Variants in RASSF3 observed in about 807,000 individuals in gnomAD.
RASSF3 encodes Ras association domain family member 3, also known as ras association domain-containing protein 3.
Under a neutral mutation model 19.9 loss-of-function variants are expected in RASSF3, and 19 were observed. The ratio of observed to expected loss-of-function variants is 0.96; its 90% CI spans 0.67 to 1.40. The LOEUF (loss-of-function observed/expected upper bound fraction) is 1.40, where lower values mean the gene tolerates loss of function less well. Ranked by LOEUF, RASSF3 falls within the 40% of genes most tolerant of loss-of-function variation. The probability of loss-of-function intolerance (pLI) is 0.00; values close to 1 mark genes in which losing one functional copy is unlikely to be tolerated. For missense variants in RASSF3, 306 were observed against 289.8 expected (o/e 1.06, Z -0.41); for synonymous variants, 110 against 104.2 (o/e 1.06, Z -0.34).
chr12:64,607,609 A>C (rs1405549521), upstream of RASSF3, among the ~76,000 whole-genome samples: 2 of 152,130 alleles, frequency 1.3e-5, no homozygotes, highest in African/African-American at 4.8e-5. Context: ...TCCTGACCTC[A>C]AGTGATCTGC....
intron 1 of RASSF3, among the ~76,000 whole-genome samples, chr12:64,630,424 G>A (rs1008288412): frequency 6.6e-6 from 1 of 152,154 alleles, no homozygotes; most frequent in African/African-American, 2.4e-5. Flanking sequence ...TATTTGGGAG[G>A]CTGAGGCAAG....
At chr12:64,680,119 C>T (rs1339325803) in intron 1 of RASSF3, among the ~76,000 whole-genome samples, 12 of 152,074 alleles carry the variant, frequency 7.9e-5, no homozygotes, top group African/African-American at 2.7e-4. Flanking sequence ...CATACAGCTG[C>T]GTTCCTAGAA....
At chr12:64,519,279 G>T (rs1318390144) in intron 1 of RASSF3, among the ~76,000 whole-genome samples, 2 of 152,062 alleles carry the variant, frequency 1.3e-5, no homozygotes, top group Non-Finnish European at 2.9e-5. Flanking sequence ...GCACACCTGT[G>T]GTCCCAGCTA....
At chr12:64,601,880 G>C (rs1470085310) in intron 2 of RASSF3, among the ~76,000 whole-genome samples, 1 of 152,054 alleles carries the variant, frequency 6.6e-6, no homozygotes, top group African/African-American at 2.4e-5. Flanking sequence ...CACTTTGGGA[G>C]GCCGAGGCGG....
chr12:64,573,429 A>G (rs1457785822), intron 2 of RASSF3, among the ~76,000 whole-genome samples: 1 of 152,262 alleles, frequency 6.6e-6, no homozygotes, highest in African/African-American at 2.4e-5. Context: ...GTTTACAACA[A>G]TCCAATGGAA....
chr12:64,578,996 G>A (rs933994941), intron 2 of RASSF3, among the ~76,000 whole-genome samples: 7 of 151,980 alleles, frequency 4.6e-5, no homozygotes, highest in African/African-American at 7.2e-5. Context: ...GTGTGGTGGC[G>A]CATGCCTGTA....
At chr12:64,511,952 T>A (rs1163130221) in intron 1 of RASSF3, among the ~76,000 whole-genome samples, 1 of 152,118 alleles carries the variant, frequency 6.6e-6, no homozygotes. Context: ...TGAGATCTGA[T>A]GACTGAATGA....
intron 2 of RASSF3, among the ~76,000 whole-genome samples, chr12:64,552,565 C>G (rs747985625): frequency 1.3e-5 from 2 of 152,076 alleles, no homozygotes; most frequent in Non-Finnish European, 2.9e-5. Context: ...TGTGTTGTTC[C>G]CCTCCCTGTG....
intron 2 of RASSF3, among the ~76,000 whole-genome samples, chr12:64,594,815 A>C (rs994920934): frequency 3.7e-4 from 57 of 152,048 alleles, no homozygotes; most frequent in Non-Finnish European, 1.3e-4. Context: ...ATGTTACCCA[A>C]GCTGGTCTTC....
chr12:64,612,479 C>CTTTTTTT (rs369436937), intron 1 of RASSF3, among the ~76,000 whole-genome samples: 9 of 119,392 alleles, frequency 7.5e-5, no homozygotes, highest in South Asian at 2.7e-4. Context: ...TTTAGCGTTT[C>CTTTTTTT]TTTTTTTTTT....
At chr12:64,507,011 T>A (rs1317496056) in exon 1 of RASSF3, 1 of 394,228 alleles carries the variant, frequency 2.5e-6, no homozygotes, top group Non-Finnish European at 4.5e-6. Context: ...TTAATACAGT[T>A]TCTAGTTATG....
chr12:64,519,397 G>A (rs1013801786), intron 1 of RASSF3, among the ~76,000 whole-genome samples: 1 of 151,994 alleles, frequency 6.6e-6, no homozygotes, highest in Non-Finnish European at 1.5e-5. Context: ...ACAGAGCAAG[G>A]CCGTCTCAAA....
At chr12:64,545,090 A>G (rs747661053), downstream of RASSF3, among the ~76,000 whole-genome samples, 2 of 152,168 alleles carry the variant, frequency 1.3e-5, no homozygotes, top group Non-Finnish European at 2.9e-5. Context: ...ACTGGAGCCG[A>G]TTGGAGTTTG....
At chr12:64,510,354 C>G (rs577176448) in intron 1 of RASSF3, among the ~76,000 whole-genome samples, 1 of 152,150 alleles carries the variant, frequency 6.6e-6, no homozygotes, top group Non-Finnish European at 1.5e-5. Flanking sequence ...GATCCTTGCT[C>G]CACCCTTCTG....
rs60696217 is a variant in RASSF3 at position 64,683,989 on chromosome 12, G to GGAGA, written c.112-780_112-777dup. On this transcript the variant is annotated intron_variant, in intron 1 of 4. Transcript: ENST00000542104. Reference sequence around the variant, plus strand: ...GAAAGAGAAGCAGCGAGGGAGAGAAGGAGAGAGAGAGAGAGAGAGAGTGAG... The same window carrying GGAGA: ...GAAAGAGAAGCAGCGAGGGAGAGAAGGAGAGAGAGAGAGAGAGAGAGAGAGTGAG... Among the ~76,000 whole-genome samples, 236 of 121,232 alleles carry GGAGA rather than the reference G, an allele frequency of 1.9e-3. 1 individual carries two copies. Among genetic ancestry groups the GGAGA allele is most frequent in the Middle Eastern group, 8.7e-3 (2 of 230 alleles). The allele number at this position is 121,232 out of a possible 152,430, so 79.5% of individuals were successfully genotyped here.
intron 2 of RASSF3, among the ~76,000 whole-genome samples, chr12:64,579,924 C>T (rs1198751413): frequency 1.3e-5 from 2 of 151,434 alleles, no homozygotes; most frequent in African/African-American, 4.8e-5. Flanking sequence ...AAGAGATTCT[C>T]CTGCCTCAGC....
chr12:64,644,828 T>C (rs1466573943), intron 1 of RASSF3, among the ~76,000 whole-genome samples: 1 of 152,236 alleles, frequency 6.6e-6, no homozygotes, highest in Non-Finnish European at 1.5e-5. Flanking sequence ...TACCTGGGAA[T>C]ACCCAGAGGT....
At chr12:64,633,560 T>C (rs1392096608) in intron 1 of RASSF3, among the ~76,000 whole-genome samples, 1 of 152,204 alleles carries the variant, frequency 6.6e-6, no homozygotes, top group African/African-American at 2.4e-5. Context: ...GTTGGTGCCA[T>C]GTTTCCTGTG....
chr12:64,585,797 G>A (rs1284653469), intron 2 of RASSF3, among the ~76,000 whole-genome samples: 1 of 151,856 alleles, frequency 6.6e-6, no homozygotes, highest in Non-Finnish European at 1.5e-5. Flanking sequence ...GTAGAGACAA[G>A]GTCTCACCAC....
Sources: allele counts gnomAD v4.1 joint callset (sites outside exome capture counted in the v4.1 genomes callset), GRCh38; gene constraint gnomAD v4.1.1; transcripts MANE v1.5; gene names NCBI Gene and HGNC (gene_info 2026-07-23, HGNC 2026-07-21).